The following TOX2 variants were observed in gnomAD, a reference collection of about 807,000 sequenced individuals.
TOX2 encodes the protein TOX high mobility group box family member 2.
A neutral mutation model predicts 47.4 loss-of-function variants in TOX2; 15 were observed. That is an observed-to-expected ratio of 0.32 (90% confidence interval 0.21 to 0.49). The LOEUF (loss-of-function observed/expected upper bound fraction) is 0.49. Among genes scored for constraint, TOX2 ranks in the 20% least tolerant of loss-of-function variants. TOX2 has a pLI of 0.99. For missense variants in TOX2, 622 were observed against 673.1 expected, an observed-to-expected ratio of 0.92 and a Z score of 0.84; for synonymous variants, 290 against 296.6, an observed-to-expected ratio of 0.98 and a Z score of 0.23.
chr20:43,962,269 G>A (rs376865926), intron 1 of TOX2, among the ~76,000 whole-genome samples: 1 of 152,194 alleles, frequency 6.6e-6, no homozygotes, highest in South Asian at 2.1e-4. Context: ...CATCAGGCCC[G>A]GCCCTCTGGG....
chr20:43,920,691 T>C (rs550873026), intron 1 of TOX2, among the ~76,000 whole-genome samples: 7 of 152,278 alleles, frequency 4.6e-5, no homozygotes, highest in Non-Finnish European at 1.0e-4. Flanking sequence ...TGGGTGACCT[T>C]GAGCCTGTCA....
At chr20:44,036,070 C>T (rs1247583723) in intron 3 of TOX2, among the ~76,000 whole-genome samples, 1 of 152,216 alleles carries the variant, frequency 6.6e-6, no homozygotes, top group Non-Finnish European at 1.5e-5. Context: ...GGAAGCAGCT[C>T]CATCAGCCAC....
chr20:43,940,454 T>C (rs2069387939), intron 1 of TOX2, among the ~76,000 whole-genome samples: 1 of 151,660 alleles, frequency 6.6e-6, no homozygotes. Context: ...GAATTCCTGA[T>C]CTCAAGCAAT....
Position 44,065,991 on chromosome 20 carries a change from G to C in TOX2, c.1240G>C (p.Gly414Arg). ...GCTGTCACTGCCCCCTCACGCCCAGGGCGCCCTCCTCAGTCCACCTGTTAG... is the reference window on the plus strand; with the variant it reads ...GCTGTCACTGCCCCCTCACGCCCAGCGCGCCCTCCTCAGTCCACCTGTTAG... ...QQLSLPPHAQ[G>R]ALLSPPVSMS... The change falls in exon 7 of 9, where the codon GGC becomes CGC. Residue 414 changes from glycine (G) to arginine (R), a missense_variant. Transcript: ENST00000341197. 2.5e-6 allele frequency: 4 copies of C among 1,612,912 alleles called. No homozygotes were observed. Among genetic ancestry groups the C allele is most frequent in the Non-Finnish European group, 3.4e-6 (4 of 1,179,838 alleles).
At chr20:43,942,917 A>G (rs1026787685) in intron 1 of TOX2, among the ~76,000 whole-genome samples, 3 of 152,180 alleles carry the variant, frequency 2.0e-5, no homozygotes, top group African/African-American at 7.2e-5. Flanking sequence ...GAGTTTCTTC[A>G]TGGTGCAGAG....
At chr20:43,958,350 C>T (rs540008342) in intron 1 of TOX2, among the ~76,000 whole-genome samples, 24 of 152,328 alleles carry the variant, frequency 1.6e-4, no homozygotes, top group African/African-American at 5.8e-4. Flanking sequence ...TTTTCTCTCT[C>T]ACATTCTGTA....
At chr20:44,030,738 G>C (rs1452093931) in intron 3 of TOX2, among the ~76,000 whole-genome samples, 4 of 152,184 alleles carry the variant, frequency 2.6e-5, no homozygotes, top group African/African-American at 9.7e-5. Flanking sequence ...GCATATAGCA[G>C]ATAGTTAATA....
At chr20:43,954,281 C>T (rs903600923) in intron 1 of TOX2, among the ~76,000 whole-genome samples, 9 of 152,210 alleles carry the variant, frequency 5.9e-5, no homozygotes, top group Non-Finnish European at 1.0e-4. Context: ...TGACAGCCTC[C>T]TTCTCTCTCT....
intron 5 of TOX2, among the ~76,000 whole-genome samples, chr20:44,061,469 C>A (rs922611688): frequency 1.3e-5 from 2 of 151,988 alleles, no homozygotes; most frequent in African/African-American, 2.4e-5. Flanking sequence ...GGATATACTT[C>A]AAGGTAATAA....
intron 5 of TOX2, among the ~76,000 whole-genome samples, chr20:44,055,348 C>T (rs965821972): frequency 1.1e-4 from 16 of 152,188 alleles, no homozygotes; most frequent in Non-Finnish European, 2.1e-4. Flanking sequence ...AGAGCAGGGA[C>T]GGACATTGTC....
chr20:44,006,228 G>A (rs1439580104), intron 2 of TOX2, among the ~76,000 whole-genome samples: 1 of 152,208 alleles, frequency 6.6e-6, no homozygotes, highest in Admixed American at 6.5e-5. Flanking sequence ...GGGCAGGAAA[G>A]ATGGATCCAA....
At chr20:43,952,295 C>T (rs1270952925) in intron 1 of TOX2, among the ~76,000 whole-genome samples, 1 of 152,132 alleles carries the variant, frequency 6.6e-6, no homozygotes, top group Non-Finnish European at 1.5e-5. Context: ...GCCCTGGCCC[C>T]CCAAAGCTCT....
At chr20:43,987,912 CTTTTTT>C (rs762084312) in intron 2 of TOX2, among the ~76,000 whole-genome samples, 2 of 69,980 alleles carry the variant, frequency 2.9e-5, no homozygotes, top group African/African-American at 1.2e-4. Context: ...ATATCAACAT[CTTTTTT>C]TTTTTTTTTT....
rs188787305 is a variant in TOX2 at position 43,970,020 on chromosome 20, C to T, written c.100-3347C>T. ...CACTGCTCTCTGTGGATAATTCCTC[C>T]CTCTCCTGAACCTCTAACACACTTA... is the stretch of plus-strand genomic sequence containing the variant. On this transcript the variant is annotated intron_variant, in intron 1 of 8. Coordinates refer to ENST00000341197, the MANE Select transcript of TOX2 (RefSeq NM_001098797.2). Among the ~76,000 whole-genome samples, 731 of 152,260 alleles carry T rather than the reference C, an allele frequency of 4.8e-3. 2 individuals are homozygous for T. Among genetic ancestry groups the T allele is most frequent in the African/African-American group, 0.017 (694 of 41,538 alleles).
chr20:44,047,874 A>T (rs1404796841), intron 3 of TOX2, among the ~76,000 whole-genome samples: 1 of 30 alleles, frequency 0.033, no homozygotes, highest in Non-Finnish European at 0.045. Flanking sequence ...AAAAAAAAAA[A>T]AAAAAAAAAA....
At chr20:43,926,053 C>T (rs2069163249) in intron 1 of TOX2, among the ~76,000 whole-genome samples, 1 of 152,098 alleles carries the variant, frequency 6.6e-6, no homozygotes, top group Non-Finnish European at 1.5e-5. Flanking sequence ...CGAAGCTGGG[C>T]CTGATTTGCA....
chr20:44,029,863 T>C (rs767727270), intron 3 of TOX2, among the ~76,000 whole-genome samples: 5 of 152,130 alleles, frequency 3.3e-5, no homozygotes, highest in Non-Finnish European at 5.9e-5. Flanking sequence ...ATAAAACTCC[T>C]CTGGTTAGGG....
chr20:43,987,890 G>T (rs1188637168), intron 2 of TOX2, among the ~76,000 whole-genome samples: 3 of 148,740 alleles, frequency 2.0e-5, no homozygotes, highest in Non-Finnish European at 4.5e-5. Flanking sequence ...AGAGTTTTAG[G>T]AAATGTTTGA....
intron 1 of TOX2, chr20:43,945,816 G>A: frequency 6.5e-7 from 1 of 1,530,478 alleles, no homozygotes; most frequent in Admixed American, 1.7e-5. Context: ...ATGGGGGGTG[G>A]GGGTGCTGGG....
Sources: gnomAD v4.1 joint callset for allele counts (sites outside exome capture counted in the v4.1 genomes callset) on GRCh38, gnomAD v4.1.1 for gene constraint, MANE v1.5 for transcripts, NCBI Gene and HGNC (gene_info 2026-07-23, HGNC 2026-07-21) for gene names.